The following PRKG1 variants were observed in gnomAD, a reference collection of about 807,000 sequenced individuals.
PRKG1 encodes cGMP-dependent protein kinase 1.
In PRKG1, 35 loss-of-function variants were observed where a neutral mutation model predicts 88.1. The observed-to-expected ratio is 0.40, with a 90% CI of 0.30 to 0.53. The LOEUF (loss-of-function observed/expected upper bound fraction) is 0.53. Among genes scored for constraint, PRKG1 ranks in the 20% least tolerant of loss-of-function variants. The pLI, the probability that PRKG1 is intolerant of heterozygous loss-of-function variation, is 0.59. For missense variants in PRKG1, 540 were observed against 839.8 expected, an observed-to-expected ratio of 0.64 and a Z score of 4.41; for synonymous variants, 303 against 292.5, an observed-to-expected ratio of 1.04 and a Z score of -0.37.
Position 51,043,743 on chromosome 10 carries a change from A to C in PRKG1, c.266+52099A>C, listed in dbSNP as rs149698819. On this transcript the variant is annotated intron_variant, in intron 1 of 17. Transcript: ENST00000401604. ...TTTTATCCCATAGCACAGTACATGG[A>C]ATGTAGTCTGAGCCTGATAAATATT... 2.3e-4 allele frequency among the ~76,000 whole-genome samples: 35 copies of C among 152,310 alleles called. 1 individual carries two copies. The highest frequency in any genetic ancestry group is 2.1e-3 in the Admixed American group (32 of 15,294).
chr10:52,017,108 A>T (rs1293573193), intron 5 of PRKG1, among the ~76,000 whole-genome samples: 1 of 152,176 alleles, frequency 6.6e-6, no homozygotes, highest in Non-Finnish European at 1.5e-5. Flanking sequence ...GTATTAAGAG[A>T]TTAAAATGTA....
chr10:51,519,624 G>A (rs1841686179), intron 3 of PRKG1, among the ~76,000 whole-genome samples: 1 of 152,078 alleles, frequency 6.6e-6, no homozygotes, highest in Non-Finnish European at 1.5e-5. Context: ...GTAGAATGCT[G>A]CTCATTCTCT....
chr10:51,673,283 AAAG>A (rs1262279760), intron 3 of PRKG1, among the ~76,000 whole-genome samples: 2 of 152,222 alleles, frequency 1.3e-5, no homozygotes, highest in African/African-American at 4.8e-5. Flanking sequence ...AAGAGAAAAT[AAAG>A]AATAATTATA....
At chr10:51,221,494 G>A (rs1313889204) in intron 2 of PRKG1, among the ~76,000 whole-genome samples, 1 of 151,796 alleles carries the variant, frequency 6.6e-6, no homozygotes, top group African/African-American at 2.4e-5. Context: ...TGATCAAACA[G>A]TTAACACTAA....
intron 3 of PRKG1, among the ~76,000 whole-genome samples, chr10:51,572,882 G>A (rs561853056): frequency 1.3e-5 from 2 of 151,752 alleles, no homozygotes; most frequent in Admixed American, 6.6e-5. Flanking sequence ...AGGGGAGTAA[G>A]AATTAAACTC....
At chr10:51,109,683 A>C (rs1844935274) in intron 1 of PRKG1, among the ~76,000 whole-genome samples, 1 of 152,152 alleles carries the variant, frequency 6.6e-6, no homozygotes, top group East Asian at 1.9e-4. Flanking sequence ...AACTTAGCGC[A>C]CTTGGGTTTG....
chr10:52,293,901 T>C lies in PRKG1; in HGVS notation c.*1T>C, dbSNP rs768560345. On this transcript the variant is annotated 3_prime_UTR_variant, in exon 18 of 18. Transcript: ENST00000373980. The stretch of plus-strand genomic sequence containing the variant: ...CTCAGGATGGGATATAGACTTCTAA[T>C]GTATTTCTCTTACCTGCTTCTGCCT... 3.7e-6 allele frequency: 6 copies of C among 1,604,784 alleles called. No homozygotes were observed. The African/African-American group carries it at 6.7e-5, about 18-fold the overall frequency.
intron 3 of PRKG1, among the ~76,000 whole-genome samples, chr10:51,761,674 A>C (rs1268630635): frequency 2.0e-5 from 3 of 152,194 alleles, no homozygotes; most frequent in Non-Finnish European, 4.4e-5. Flanking sequence ...AAAGTGTTTT[A>C]ATTTTTCTTT....
chr10:51,125,726 T>C (rs2131924467), intron 1 of PRKG1, among the ~76,000 whole-genome samples: 1 of 146,506 alleles, frequency 6.8e-6, no homozygotes, highest in African/African-American at 2.5e-5. Flanking sequence ...AATTTAAATA[T>C]AAATTATGTG....
intron 3 of PRKG1, among the ~76,000 whole-genome samples, chr10:51,627,337 T>C (rs1280689132): frequency 6.6e-6 from 1 of 152,164 alleles, no homozygotes; most frequent in African/African-American, 2.4e-5. Flanking sequence ...AACTGTTTCT[T>C]CCTTATCAAT....
intron 3 of PRKG1, among the ~76,000 whole-genome samples, chr10:51,605,854 T>C (rs1838750283): frequency 6.6e-6 from 1 of 152,166 alleles, no homozygotes; most frequent in Non-Finnish European, 1.5e-5. Context: ...TGCAATGCAA[T>C]GCTCATTTAC....
At chr10:51,298,053 G>A (rs1156849923) in intron 2 of PRKG1, among the ~76,000 whole-genome samples, 1 of 152,022 alleles carries the variant, frequency 6.6e-6, no homozygotes, top group African/African-American at 2.4e-5. Context: ...ATCAGTTCTT[G>A]TTAAGCACTT....
chr10:52,175,143 T>G (rs1288419260), intron 9 of PRKG1, among the ~76,000 whole-genome samples: 1 of 152,094 alleles, frequency 6.6e-6, no homozygotes, highest in Non-Finnish European at 1.5e-5. Flanking sequence ...CATTTTCTCC[T>G]AATTTTTCCA....
In PRKG1 at chr10:51,000,278, C is replaced by T. The variant is rs146414791; in HGVS notation, c.266+8634C>T. ...CTCCCGAGGGATAGCCATTTTCTTGCATTCCAGTTGGCTTTCTTGACTGGG... is the reference window on the plus strand; with the variant it reads ...CTCCCGAGGGATAGCCATTTTCTTGTATTCCAGTTGGCTTTCTTGACTGGG... On this transcript the variant is annotated intron_variant, in intron 1 of 17. Transcript: ENST00000401604. Among the ~76,000 whole-genome samples the T allele has an allele frequency of 2.1e-3, 327 of 152,342 alleles. 1 individual carries two copies. Among genetic ancestry groups the T allele is most frequent in the African/African-American group, 7.7e-3 (320 of 41,576 alleles).
intron 7 of PRKG1, among the ~76,000 whole-genome samples, chr10:52,130,598 G>A (rs560184110): frequency 1.3e-5 from 2 of 152,240 alleles, no homozygotes; most frequent in South Asian, 2.1e-4. Flanking sequence ...ATTTTGTGAT[G>A]GTAGTTTGTT....
chr10:51,853,259 A>G (rs1480956153), intron 4 of PRKG1, among the ~76,000 whole-genome samples: 1 of 152,192 alleles, frequency 6.6e-6, no homozygotes, highest in Non-Finnish European at 1.5e-5. Context: ...TGTGCCAGAA[A>G]CTATTCTAAG....
At chr10:51,804,497 A>T in intron 3 of PRKG1, 88 bp from the exon 4 acceptor site, 1 of 837,510 alleles carries the variant, frequency 1.2e-6, no homozygotes, top group Non-Finnish European at 2.0e-6. Context: ...ATTCTCATGA[A>T]TAGCTCATCT....
intron 4 of PRKG1, among the ~76,000 whole-genome samples, chr10:51,852,228 T>TATATATATATATATATATAC (rs967267602): frequency 1.2e-4 from 18 of 148,558 alleles, no homozygotes; most frequent in African/African-American, 4.0e-4. Context: ...TATATATATA[T>TATATATATATATATATATAC]ACACACACAC....
At chr10:51,435,946 T>C (rs1838915769) in intron 2 of PRKG1, among the ~76,000 whole-genome samples, 1 of 152,040 alleles carries the variant, frequency 6.6e-6, no homozygotes, top group Non-Finnish European at 1.5e-5. Flanking sequence ...CTTGAGATTT[T>C]ATTCTTAGGA....
Sources: allele counts gnomAD v4.1 joint callset (sites outside exome capture counted in the v4.1 genomes callset), GRCh38; gene constraint gnomAD v4.1.1; transcripts MANE v1.5; gene names NCBI Gene and HGNC (gene_info 2026-07-23, HGNC 2026-07-21).